GBE1: variants seen among roughly 807,000 people sequenced by gnomAD.
The protein encoded by GBE1 is 1,4-alpha-glucan-branching enzyme.
Under a neutral mutation model 88.8 loss-of-function variants are expected in GBE1, and 70 were observed. The ratio of observed to expected loss-of-function variants is 0.79; its 90% confidence interval spans 0.65 to 0.96. The LOEUF is 0.96. Ranked by LOEUF, GBE1 falls within the 40% of genes least tolerant of loss-of-function variation. GBE1 has a pLI of 0.00. For synonymous variants in GBE1, 284 were observed against 300.1 expected, an observed-to-expected ratio of 0.95 and a Z score of 0.56; for missense variants, 872 against 871.0, an observed-to-expected ratio of 1.00 and a Z score of -0.01.
chr3:81,585,084 T>G (rs1303211086), intron 10 of GBE1, among the ~76,000 whole-genome samples: 3 of 152,188 alleles, frequency 2.0e-5, no homozygotes, highest in African/African-American at 7.2e-5. Flanking sequence ...GAATATTCCT[T>G]TGTTTTTATG....
At chr3:81,578,529 G>T (rs1052848523) in intron 11 of GBE1, among the ~76,000 whole-genome samples, 1 of 150,594 alleles carries the variant, frequency 6.6e-6, no homozygotes, top group Non-Finnish European at 1.5e-5. Context: ...ATATTATTTT[G>T]CTCATATATA....
intron 2 of GBE1, among the ~76,000 whole-genome samples, chr3:81,671,850 T>C (rs551927863): frequency 6.6e-6 from 1 of 152,134 alleles, no homozygotes; most frequent in East Asian, 1.9e-4. Flanking sequence ...CATAAATAGA[T>C]GAATCGATAG....
intron 2 of GBE1, among the ~76,000 whole-genome samples, chr3:81,700,242 A>C (rs891008613): frequency 1.3e-5 from 2 of 152,212 alleles, no homozygotes; most frequent in African/African-American, 4.8e-5. Flanking sequence ...TTAGATGAAG[A>C]AACAGAATCC....
intron 8 of GBE1, among the ~76,000 whole-genome samples, chr3:81,591,841 G>A (rs1016716468): frequency 6.6e-6 from 1 of 151,564 alleles, no homozygotes; most frequent in Non-Finnish European, 1.5e-5. Flanking sequence ...CTACATCTAA[G>A]TTCTATTGAT....
chr3:81,726,029 C>T (rs1706107911), intron 1 of GBE1, among the ~76,000 whole-genome samples: 2 of 151,654 alleles, frequency 1.3e-5, no homozygotes, highest in African/African-American at 4.9e-5. Flanking sequence ...ATAAAGGTTA[C>T]TTAAACTGAT....
rs116203050 is a variant in GBE1, at chr3:81,566,277, G to A, written c.1618+11648C>T. ...ATTTTAAGATTCTTTTTCAATGCCCGAGCCCTAGCCAAGACCAATTAAATC... is the reference window on the plus strand; with the variant it reads ...ATTTTAAGATTCTTTTTCAATGCCCAAGCCCTAGCCAAGACCAATTAAATC... On this transcript the variant is annotated intron_variant, in intron 12 of 15. Coordinates refer to ENST00000429644, the MANE Select transcript of GBE1 (RefSeq NM_000158.4). 4.6e-3 allele frequency among the ~76,000 whole-genome samples: 702 copies of A among 152,142 alleles called. 9 individuals are homozygous for A. The highest frequency in any genetic ancestry group is 0.015 in the African/African-American group (637 of 41,502).
At chr3:81,538,351 G>C (rs1703101867) in intron 12 of GBE1, among the ~76,000 whole-genome samples, 1 of 151,748 alleles carries the variant, frequency 6.6e-6, no homozygotes, top group African/African-American at 2.4e-5. Flanking sequence ...TAACTTTTCA[G>C]GACCACATTC....
At chr3:81,608,027 C>T (rs1475014335) in intron 7 of GBE1, among the ~76,000 whole-genome samples, 1 of 152,138 alleles carries the variant, frequency 6.6e-6, no homozygotes, top group African/African-American at 2.4e-5. Flanking sequence ...TGTATTAACC[C>T]CACAAGTCCT....
At chr3:81,541,166 T>C (rs1703138008) in intron 12 of GBE1, among the ~76,000 whole-genome samples, 1 of 151,956 alleles carries the variant, frequency 6.6e-6, no homozygotes, top group Non-Finnish European at 1.5e-5. Flanking sequence ...GACTTTGTAG[T>C]GGAGTTTTCA....
intron 1 of GBE1, among the ~76,000 whole-genome samples, chr3:81,749,009 A>G (rs1270409879): frequency 2.2e-5 from 3 of 134,676 alleles, no homozygotes; most frequent in Non-Finnish European, 3.1e-5. Flanking sequence ...CTGTCTCAAA[A>G]AAAAAAAAAA....
intron 14 of GBE1, among the ~76,000 whole-genome samples, chr3:81,525,559 G>A (rs1258130851): frequency 6.6e-6 from 1 of 152,050 alleles, no homozygotes; most frequent in South Asian, 2.1e-4. Flanking sequence ...AATGAGTTAG[G>A]GAGGATTCCC....
chr3:81,760,945 G>A (rs937163326), intron 1 of GBE1, among the ~76,000 whole-genome samples: 5 of 152,240 alleles, frequency 3.3e-5, no homozygotes, highest in Admixed American at 2.0e-4. Flanking sequence ...AAATAAACTA[G>A]AAAGTTTTAA....
intron 3 of GBE1, among the ~76,000 whole-genome samples, chr3:81,657,554 A>G (rs555077272): frequency 1.3e-5 from 2 of 152,282 alleles, no homozygotes; most frequent in South Asian, 2.1e-4. Flanking sequence ...ACCTTAATAT[A>G]TAAAAGACCA....
chr3:81,493,237 G>A (rs907897030), intron 15 of GBE1, among the ~76,000 whole-genome samples: 1 of 152,164 alleles, frequency 6.6e-6, no homozygotes, highest in African/African-American at 2.4e-5. Flanking sequence ...CTCTTATAGA[G>A]TATTGTCCTA....
At chr3:81,563,514 C>T (rs182030579) in intron 12 of GBE1, among the ~76,000 whole-genome samples, 1 of 152,080 alleles carries the variant, frequency 6.6e-6, no homozygotes, top group Non-Finnish European at 1.5e-5. Context: ...AGATGTAACA[C>T]CAAATTACAG....
At chr3:81,753,368 G>A (rs1422088833) in intron 1 of GBE1, among the ~76,000 whole-genome samples, 1 of 152,072 alleles carries the variant, frequency 6.6e-6, no homozygotes, top group East Asian at 1.9e-4. Flanking sequence ...AAAGGTACCT[G>A]GTAGTAGCAA....
At chr3:81,682,268 C>A (rs961771564) in intron 2 of GBE1, among the ~76,000 whole-genome samples, 2 of 151,890 alleles carry the variant, frequency 1.3e-5, no homozygotes, top group African/African-American at 4.8e-5. Flanking sequence ...TTCAAGACCA[C>A]CCTGGGCAAC....
At chr3:81,515,970 A>G (rs1304338639) in intron 14 of GBE1, among the ~76,000 whole-genome samples, 2 of 151,712 alleles carry the variant, frequency 1.3e-5, no homozygotes, top group East Asian at 3.9e-4. Context: ...CTTAAGGTTT[A>G]AGGAATAAAG....
At position 81,689,355 on chromosome 3, in the gene GBE1, C is replaced by T. The variant is rs77010857; in HGVS notation, c.313+16089G>A. On this transcript the variant is annotated intron_variant, in intron 2 of 15. Transcript: ENST00000429644. ...GGACCCAAGTTTAGGAAAATACTGG[C>T]AAGTTATATGGAGGCTTAACATGTT... is the stretch of plus-strand genomic sequence containing the variant. Among the ~76,000 whole-genome samples, 136 of 152,278 alleles carry T rather than the reference C, an allele frequency of 8.9e-4. 1 individual carries two copies. In the East Asian group the frequency reaches 0.02, roughly 22 times the overall value.
Sources: gnomAD v4.1 joint callset for allele counts (sites outside exome capture counted in the v4.1 genomes callset) on GRCh38, gnomAD v4.1.1 for gene constraint, MANE v1.5 for transcripts, NCBI Gene and HGNC (gene_info 2026-07-23, HGNC 2026-07-21) for gene names.